CDHR2: variants seen among roughly 807,000 people sequenced by gnomAD.
The protein encoded by CDHR2 is cadherin related family member 2, also known as cadherin-related family member 2.
CDHR2 carries 104 observed loss-of-function variants against 138.6 expected under a neutral mutation model. The ratio of observed to expected loss-of-function variants is 0.75; its 90% CI spans 0.64 to 0.88. The LOEUF (loss-of-function observed/expected upper bound fraction) is 0.88. Among genes scored for constraint, CDHR2 ranks in the 40% least tolerant of loss-of-function variants. The pLI is 0.00. For synonymous variants in CDHR2, 755 were observed against 742.8 expected (o/e 1.02, Z -0.27); for missense variants, 1,624 against 1,727.6 (o/e 0.94, Z 1.06).
chr5:176,566,605 CG>C (rs146136683), intron 3 of CDHR2, among the ~76,000 whole-genome samples: 2,051 of 152,306 alleles, frequency 0.013, 12 homozygotes, highest in Non-Finnish European at 0.021. Context: ...CTTGAGGGGG[CG>C]GGGGTCACGC....
chr5:176,591,120 G>A (rs764102425), intron 28 of CDHR2, 90 bp from the exon 29 acceptor site: 120 of 848,602 alleles, frequency 1.4e-4, no homozygotes, highest in Non-Finnish European at 6.5e-5. Flanking sequence ...CTCACCTCCC[G>A]GGATCTTGTG....
At chr5:176,560,611 G>A (rs1757943733) in intron 1 of CDHR2, among the ~76,000 whole-genome samples, 1 of 152,200 alleles carries the variant, frequency 6.6e-6, no homozygotes, top group South Asian at 2.1e-4. Context: ...TGCACTATTA[G>A]GTGGTACTTT....
intron 17 of CDHR2, 60 bp from the exon 18 acceptor site, chr5:176,584,130 G>A: frequency 7.0e-7 from 1 of 1,425,832 alleles, no homozygotes; most frequent in Non-Finnish European, 9.9e-7. Context: ...TGGTTTCTCG[G>A]ATTGGCTCTG....
chr5:176,581,601 A>G lies in CDHR2; in HGVS notation c.2058+19A>G. On this transcript the variant is annotated intron_variant, in intron 17 of 31. Coordinates refer to ENST00000261944, the MANE Select transcript of CDHR2 (RefSeq NM_017675.6). ...TGTGGAGGTAAGGCCTCGCTTAGCCAGGATGGGCCTGGGGGCCTCCCAAGC... is the reference window on the plus strand; with the variant it reads ...TGTGGAGGTAAGGCCTCGCTTAGCCGGGATGGGCCTGGGGGCCTCCCAAGC... 6.2e-7 allele frequency: 1 copy of G among 1,608,140 alleles called. No homozygotes were observed.
rs756898008 is a variant in CDHR2, at chr5:176,578,055, G to C, written c.1534G>C (p.Ala512Pro). The C allele has an allele frequency of 6.2e-7, 1 of 1,612,608 alleles. No homozygotes were observed. The highest frequency in any genetic ancestry group is 8.5e-7 in the Non-Finnish European group (1 of 1,178,894). ...SIHATDPDTG[A>P]WGQITYSLLP... ...ACAGGCCACGGACCCAGACACGGGC[G>C]CGTGGGGCCAAATTACCTACAGCCT... The change falls in exon 15 of 32, where the codon GCG (alanine) becomes CCG (proline). Residue 512 changes from alanine to proline, a missense_variant. Around this residue, in one of 3 missense-constraint regions of CDHR2, gnomAD observed 1,061 missense variants for 1,136.6 expected, o/e 0.93. Coordinates refer to ENST00000261944, the MANE Select transcript of CDHR2 (RefSeq NM_017675.6).
Position 176,580,035 on chromosome 5 carries a change from C to A in CDHR2, c.1819-1308C>A, listed in dbSNP as rs572304166. On this transcript the variant is annotated intron_variant, in intron 16 of 31. Coordinates refer to ENST00000261944, the MANE Select transcript of CDHR2 (RefSeq NM_017675.6). ...GCAAAGGCCTGGCGGCACAGAGGAA[C>A]CCGCTGTGTTATCCACACTGGTTCA... Among the ~76,000 whole-genome samples the A allele has an allele frequency of 1.3e-4, 20 of 152,232 alleles. No homozygotes were observed. In the East Asian group the frequency reaches 3.3e-3, roughly 25 times the overall value.
At chr5:176,552,482 C>G (rs1472084126) in intron 1 of CDHR2, among the ~76,000 whole-genome samples, 1 of 152,176 alleles carries the variant, frequency 6.6e-6, no homozygotes, top group African/African-American at 2.4e-5. Context: ...CCAAGGACCT[C>G]GCCTGTCAGG....
chr5:176,592,621 A>G, intron 30 of CDHR2, 102 bp from the exon 31 acceptor site: 1 of 852,404 alleles, frequency 1.2e-6, no homozygotes, highest in Non-Finnish European at 2.0e-6. Flanking sequence ...TGATGGTGGT[A>G]GTCGTGGTGA....
At chr5:176,562,351 G>A (rs200294407) in intron 1 of CDHR2, among the ~76,000 whole-genome samples, 1 of 131,878 alleles carries the variant, frequency 7.6e-6, no homozygotes, top group Non-Finnish European at 1.6e-5. Flanking sequence ...AGAAACAGAG[G>A]AGGCTGCACG....
chr5:176,590,068 T>G lies in CDHR2; in HGVS notation c.3207-10T>G. On this transcript the variant is annotated splice_polypyrimidine_tract_variant and intron_variant, in intron 24 of 31. Coordinates refer to ENST00000261944, the MANE Select transcript of CDHR2 (RefSeq NM_017675.6). Reference sequence around the variant, plus strand: ...ACCCCAGGCCTCTGTGACATCTGCCTTCTTTGCAGGGCTCTTACCCAGGCA... The same window carrying G: ...ACCCCAGGCCTCTGTGACATCTGCCGTCTTTGCAGGGCTCTTACCCAGGCA... 6.2e-7 allele frequency: 1 copy of G among 1,612,712 alleles called. No individual in the cohort carries two copies. The highest frequency in any genetic ancestry group is 1.3e-5 in the African/African-American group (1 of 75,026).
upstream of CDHR2, among the ~76,000 whole-genome samples, chr5:176,546,913 G>A (rs2113240889): frequency 6.6e-6 from 1 of 151,934 alleles, no homozygotes; most frequent in African/African-American, 2.4e-5. Context: ...AAAGCCTCTT[G>A]GGTATCAAAA....
intron 10 of CDHR2, 36 bp downstream of exon 10, chr5:176,575,617 G>A (rs763852877): frequency 1.1e-5 from 17 of 1,606,706 alleles, no homozygotes; most frequent in African/African-American, 6.7e-5. Context: ...GGGCTGGGCC[G>A]GGGCCAGGGT....
rs34996600 is a variant in CDHR2 at position 176,551,701 on chromosome 5, C to CTTTTTTT, written c.-16+2299_-16+2305dup. Among the ~76,000 whole-genome samples the CTTTTTTT allele has an allele frequency of 1.1e-4, 13 of 114,246 alleles. 1 individual carries two copies. The highest frequency in any genetic ancestry group is 8.0e-4 in the East Asian group (3 of 3,756). The allele number at this position is 114,246 out of a possible 152,430, so 74.9% of individuals were successfully genotyped here. The stretch of plus-strand genomic sequence containing the variant: ...GCCACCACACCTAGCCAAGAGTTCT[C>CTTTTTTT]TTTTTTTTTTTTTTTTTTGAGACAG... On this transcript the variant is annotated intron_variant, in intron 1 of 31. Transcript: ENST00000261944.
rs767243776 is a variant in CDHR2, at chr5:176,592,723, C to T, written c.3735C>T (p.Ser1245=). Reference sequence around the variant, plus strand: ...CTGAGCTCCATCACCTCTCTTACAGCGTCAACTCCCTGGACGACAACTCTG... The same window carrying T: ...CTGAGCTCCATCACCTCTCTTACAGTGTCAACTCCCTGGACGACAACTCTG... The part of the protein sequence containing the change: ...LSPSNDLDSV[S]VNSLDDNSVD... Residue 1245 remains serine, a splice_region_variant and synonymous_variant, in exon 31 of 32, where the codon AGC becomes AGT. Coordinates refer to ENST00000261944, the MANE Select transcript of CDHR2 (RefSeq NM_017675.6). 35 of 1,613,554 alleles carry T rather than the reference C, an allele frequency of 2.2e-5. No individual in the cohort carries two copies. Among genetic ancestry groups the T allele is most frequent in the African/African-American group, 9.4e-5 (7 of 74,834 alleles).
upstream of CDHR2, among the ~76,000 whole-genome samples, chr5:176,548,308 C>T (rs921016746): frequency 6.6e-6 from 1 of 152,208 alleles, no homozygotes; most frequent in Non-Finnish European, 1.5e-5. Flanking sequence ...CCAATGGTGA[C>T]GACTCAGTGG....
rs1758788771 is a variant in CDHR2 at position 176,589,583 on chromosome 5, A to T, written c.3173A>T (p.Glu1058Val). The change falls in exon 24 of 32, where the codon GAG (glutamate) becomes GTG (valine). Residue 1058 changes from glutamate (E) to valine (V), a missense_variant. This residue lies in a region of CDHR2 where 556 missense variants were observed against 565.7 expected (regional missense o/e 0.98). Transcript: ENST00000261944. ...CGGCTGCAGTTCTCCACACCGAAGG[A>T]GGAGGTGGGCGCCAACAGACAGGCG... is the stretch of plus-strand genomic sequence containing the variant. ...RSRLQFSTPKEEVGANRQAIN... is the reference protein window; with the variant it reads ...RSRLQFSTPKVEVGANRQAIN... The T allele has an allele frequency of 6.2e-7, 1 of 1,613,948 alleles. No homozygotes were observed. Among genetic ancestry groups the T allele is most frequent in the Non-Finnish European group, 8.5e-7 (1 of 1,179,990 alleles).
At chr5:176,552,735 C>A (rs1164075540) in intron 1 of CDHR2, among the ~76,000 whole-genome samples, 1 of 152,174 alleles carries the variant, frequency 6.6e-6, no homozygotes, top group Admixed American at 6.5e-5. Flanking sequence ...CGGGGCCAAC[C>A]CCAGCAGAGC....
chr5:176,584,369 C>T (rs754828995), intron 18 of CDHR2, 41 bp from the exon 19 acceptor site: 45 of 1,607,306 alleles, frequency 2.8e-5, no homozygotes, highest in East Asian at 6.7e-5. Flanking sequence ...CTTCCGATGG[C>T]GGGGTCAGGA....
In CDHR2 at chr5:176,590,492, G is replaced by A. The variant is rs777110733; in HGVS notation, c.3414+7G>A. 1.2e-6 allele frequency: 2 copies of A among 1,614,010 alleles called. No individual in the cohort carries two copies. The highest frequency in any genetic ancestry group is 1.7e-5 in the Admixed American group (1 of 60,032). On this transcript the variant is annotated splice_region_variant and intron_variant, in intron 27 of 31. Coordinates refer to ENST00000261944, the MANE Select transcript of CDHR2 (RefSeq NM_017675.6). ...GCTGGGGCTGGTGGTGCTGGTGAGT[G>A]CGGGCAGGGCGGGGCAGCAGGTGGG...
Sources: gnomAD v4.1 joint callset for allele counts (sites outside exome capture counted in the v4.1 genomes callset) on GRCh38, gnomAD v4.1.1 for gene constraint, gnomAD v4.1.1 regional missense constraint, MANE v1.5 for transcripts, NCBI Gene and HGNC (gene_info 2026-07-23, HGNC 2026-07-21) for gene names.